Variants in NPIPB4 observed in about 807,000 individuals in gnomAD.
The protein encoded by NPIPB4 is nuclear pore complex-interacting protein family member B4.
For missense variants in NPIPB4, 105 were observed against 513.7 expected (o/e 0.20, Z 7.69); for synonymous variants, 31 against 194.1 (o/e 0.16, Z 6.99).
intron 2 of NPIPB4, among the ~76,000 whole-genome samples, chr16:21,850,707 GA>G (rs1430525430): frequency 2.7e-5 from 3 of 110,478 alleles, no homozygotes; most frequent in African/African-American, 3.9e-5. Flanking sequence ...CATCAAACCA[GA>G]TGACACAAAT....
chr16:21,850,559 C>G (rs1277895208), intron 2 of NPIPB4, among the ~76,000 whole-genome samples: 1 of 148,302 alleles, frequency 6.7e-6, no homozygotes, highest in African/African-American at 2.5e-5. Context: ...GTAATCTGAG[C>G]TACTCAGGAG....
Position 21,850,487 on chromosome 16 carries a change from A to G in NPIPB4, c.121-2946T>C, listed in dbSNP as rs577053850. On this transcript the variant is annotated intron_variant, in intron 2 of 7. Transcript: ENST00000682606. ...AACATGGTGAAACCCCATCTCTACTAAAAACACAAAAATTAGCCAGGCGTG... is the reference window on the plus strand; with the variant it reads ...AACATGGTGAAACCCCATCTCTACTGAAAACACAAAAATTAGCCAGGCGTG... Among the ~76,000 whole-genome samples the G allele has an allele frequency of 6.4e-4, 97 of 152,080 alleles. 2 individuals are homozygous for G. Among genetic ancestry groups the G allele is most frequent in the Admixed American group, 3.3e-3 (51 of 15,280 alleles).
rs1430577827 is a variant in NPIPB4 at position 21,850,466 on chromosome 16, T to C, written c.121-2925A>G. Among the ~76,000 whole-genome samples, 57 of 151,988 alleles carry C rather than the reference T, an allele frequency of 3.8e-4. No individual in the cohort carries two copies. The East Asian group carries it at 0.01, about 28-fold the overall frequency. ...GAGATGGAGACTATCCTGGCGAACA[T>C]GGTGAAACCCCATCTCTACTAAAAA... On this transcript the variant is annotated intron_variant, in intron 2 of 7. Transcript: ENST00000682606.
intron 5 of NPIPB4, among the ~76,000 whole-genome samples, chr16:21,840,418 G>A (rs1219857085): frequency 9.4e-5 from 12 of 127,516 alleles, no homozygotes; most frequent in Admixed American, 1.6e-4. Context: ...ATTCTTTCAC[G>A]CTTAGTTTCC....
chr16:21,836,477 A>G lies in NPIPB4; in HGVS notation c.1910T>C (p.Val637Ala), dbSNP rs1901492196. 6.8e-7 allele frequency: 1 copy of G among 1,477,264 alleles called. No individual in the cohort carries two copies. The highest frequency in any genetic ancestry group is 1.6e-5 in the African/African-American group (1 of 61,042). The allele number at this position is 1,477,264 out of a possible 1,614,324, so 91.5% of individuals were successfully genotyped here. Residue 637 changes from valine to alanine, a missense_variant, in exon 8 of 8, where the codon GTC (valine) becomes GCC (alanine). Coordinates refer to ENST00000682606, the MANE Select transcript of NPIPB4 (RefSeq NM_001384980.1). ...CTGAGGGTGGAAGGGGAGTGAGCTGACGCTCGGAAGGTGTCTTGAGATTAT... is the reference window on the plus strand; with the variant it reads ...CTGAGGGTGGAAGGGGAGTGAGCTGGCGCTCGGAAGGTGTCTTGAGATTAT... Reference protein sequence around the residue: ...RMIISRHLPSVSSLPFHPQLH... With the variant: ...RMIISRHLPSASSLPFHPQLH...
chr16:21,841,914 C>T (rs1901824281), intron 5 of NPIPB4, among the ~76,000 whole-genome samples: 1 of 151,592 alleles, frequency 6.6e-6, no homozygotes, highest in African/African-American at 2.4e-5. Flanking sequence ...ATACTGAAGT[C>T]CGCTGGCTCT....
chr16:21,840,473 C>T (rs1282916278), intron 5 of NPIPB4, among the ~76,000 whole-genome samples: 1 of 148,902 alleles, frequency 6.7e-6, no homozygotes, highest in Admixed American at 6.7e-5. Context: ...TCCACCAGCC[C>T]GTGTGGGATT....
At chr16:21,850,630 CCA>C (rs1902439646) in intron 2 of NPIPB4, among the ~76,000 whole-genome samples, 1 of 82,588 alleles carries the variant, frequency 1.2e-5, no homozygotes, top group African/African-American at 6.2e-5. Context: ...CGAGATCTTG[CCA>C]CTGCACTCCA....
intron 2 of NPIPB4, among the ~76,000 whole-genome samples, chr16:21,850,258 T>C (rs1902381438): frequency 8.3e-6 from 1 of 120,028 alleles, no homozygotes; most frequent in Non-Finnish European, 1.9e-5. Flanking sequence ...AGAAACTGTC[T>C]CAAAATAAAT....
intron 2 of NPIPB4, among the ~76,000 whole-genome samples, chr16:21,850,043 C>T (rs1462971703): frequency 1.4e-5 from 1 of 70,926 alleles, no homozygotes; most frequent in Non-Finnish European, 3.1e-5. Flanking sequence ...GGGCGGATCA[C>T]CTGAGGTCGG....
intron 2 of NPIPB4, chr16:21,851,740 A>G: frequency 2.0e-6 from 1 of 500,282 alleles, no homozygotes; most frequent in Non-Finnish European, 3.5e-6. Context: ...CTCCTCCCAA[A>G]GACAGGTCCT....
At chr16:21,851,526 C>CA (rs1902529417) in intron 2 of NPIPB4, 3 of 212,860 alleles carry the variant, frequency 1.4e-5, no homozygotes, top group African/African-American at 1.2e-4. Flanking sequence ...TAGGAGCAAT[C>CA]AGAGGGAGAC....
intron 2 of NPIPB4, among the ~76,000 whole-genome samples, chr16:21,847,881 T>TA (rs1441747196): frequency 1.3e-4 from 3 of 22,748 alleles, no homozygotes; most frequent in Non-Finnish European, 2.8e-4. Flanking sequence ...GCTGATGATC[T>TA]AAAAAAAACC....
chr16:21,840,418 G>T lies in NPIPB4; in HGVS notation c.546-1108C>A, dbSNP rs1219857085. 8.2e-4 allele frequency among the ~76,000 whole-genome samples: 104 copies of T among 127,596 alleles called. 2 individuals carry two copies. Among genetic ancestry groups the T allele is most frequent in the Non-Finnish European group, 9.2e-4 (55 of 60,036 alleles). 83.7% of individuals were successfully genotyped at this position (127,596 alleles called of 152,430 possible). ...TTTCTGCATGCTCACATTCTTTCACGCTTAGTTTCCTCAGATTAGAAGGGA... is the reference window on the plus strand; with the variant it reads ...TTTCTGCATGCTCACATTCTTTCACTCTTAGTTTCCTCAGATTAGAAGGGA... On this transcript the variant is annotated intron_variant, in intron 5 of 7. Coordinates refer to ENST00000682606, the MANE Select transcript of NPIPB4 (RefSeq NM_001384980.1).
At chr16:21,841,982 C>T (rs1260486931) in intron 5 of NPIPB4, among the ~76,000 whole-genome samples, 1 of 151,640 alleles carries the variant, frequency 6.6e-6, no homozygotes, top group Non-Finnish European at 1.5e-5. Flanking sequence ...ATACCCTGGC[C>T]TTTGTAGGGA....
In NPIPB4 at chr16:21,836,488, G is replaced by C. The variant is rs1335137276; in HGVS notation, c.1899C>G (p.His633Gln). Residue 633 changes from histidine (H) to glutamine (Q), a missense_variant, in exon 8 of 8, where the codon CAC becomes CAG. Transcript: ENST00000682606. ...FHPQRMIISR[H>Q]LPSVSSLPFH... Reference sequence around the variant, plus strand: ...AGGGGAGTGAGCTGACGCTCGGAAGGTGTCTTGAGATTATCATCCGCTGAG... The same window carrying C: ...AGGGGAGTGAGCTGACGCTCGGAAGCTGTCTTGAGATTATCATCCGCTGAG... 1 of 1,508,764 alleles carries C rather than the reference G, an allele frequency of 6.6e-7. No homozygotes were observed. The allele number at this position is 1,508,764 out of a possible 1,614,324, so 93.5% of individuals were successfully genotyped here.
At chr16:21,850,491 A>AG (rs1282195094) in intron 2 of NPIPB4, among the ~76,000 whole-genome samples, 13 of 152,084 alleles carry the variant, frequency 8.5e-5, no homozygotes, top group African/African-American at 2.9e-4. Context: ...TCTACTAAAA[A>AG]CACAAAAATT....
intron 2 of NPIPB4, chr16:21,851,218 G>T (rs1405423900): frequency 5.9e-6 from 1 of 170,282 alleles, no homozygotes; most frequent in East Asian, 2.6e-4. Flanking sequence ...TAGGGCAGGG[G>T]GGAGGGAAGG....
chr16:21,850,304 G>C (rs1472492779), intron 2 of NPIPB4, among the ~76,000 whole-genome samples: 1 of 148,004 alleles, frequency 6.8e-6, no homozygotes, highest in African/African-American at 2.4e-5. Context: ...TCTTGAAAGG[G>C]GGTTGGTTTA....
Sources: gnomAD v4.1 joint callset for allele counts (sites outside exome capture counted in the v4.1 genomes callset) on GRCh38, gnomAD v4.1.1 for gene constraint, MANE v1.5 for transcripts, NCBI Gene and HGNC (gene_info 2026-07-23, HGNC 2026-07-21) for gene names.